Variants in ASTN2 observed in about 807,000 individuals in gnomAD.
ASTN2 encodes astrotactin-2.
In ASTN2, 54 loss-of-function variants were observed where a neutral mutation model predicts 139.8. The observed-to-expected ratio is 0.39, with a 90% confidence interval of 0.31 to 0.48. The LOEUF (loss-of-function observed/expected upper bound fraction) is 0.48. Among genes scored for constraint, ASTN2 ranks in the 20% least tolerant of loss-of-function variants. ASTN2 has a pLI of 0.95. For synonymous variants in ASTN2, 756 were observed against 719.5 expected (o/e 1.05, Z -0.81); for missense variants, 1,565 against 1,725.1 (o/e 0.91, Z 1.64).
At chr9:116,611,479 G>C (rs1033429045) in intron 19 of ASTN2, 1 of 151,888 alleles carries the variant, frequency 6.6e-6, no homozygotes, top group Non-Finnish European at 1.5e-5. Context: ...TTGATTCTTT[G>C]AAAATACAAA....
intron 16 of ASTN2, among the ~76,000 whole-genome samples, chr9:116,684,291 A>T (rs73530861): frequency 0.04 from 6,057 of 152,298 alleles, 396 homozygotes; most frequent in African/African-American, 0.14. Flanking sequence ...GTATAGTAAG[A>T]CTAAAGTACA....
chr9:116,500,308 A>G (rs1007941187), intron 19 of ASTN2, among the ~76,000 whole-genome samples: 7 of 152,216 alleles, frequency 4.6e-5, no homozygotes, highest in African/African-American at 1.7e-4. Flanking sequence ...GGCACAGCAC[A>G]ATGGAAGTGA....
At chr9:116,697,574 C>A in intron 16 of ASTN2, 1 of 821,924 alleles carries the variant, frequency 1.2e-6, no homozygotes, top group Non-Finnish European at 1.9e-6. Flanking sequence ...GACTGAATGA[C>A]TGGTCATAGC....
intron 10 of ASTN2, among the ~76,000 whole-genome samples, chr9:116,864,929 T>C (rs988716582): frequency 1.3e-5 from 2 of 152,142 alleles, no homozygotes; most frequent in African/African-American, 4.8e-5. Context: ...TCTAATTAGA[T>C]ACTCCTCTGA....
At chr9:116,899,153 T>C (rs1178974994) in intron 10 of ASTN2, among the ~76,000 whole-genome samples, 2 of 152,178 alleles carry the variant, frequency 1.3e-5, no homozygotes, top group Admixed American at 1.3e-4. Flanking sequence ...TTTACCTGGC[T>C]TTGTGGGTAT....
chr9:116,519,999 T>C (rs1203378798), intron 19 of ASTN2, among the ~76,000 whole-genome samples: 1 of 151,924 alleles, frequency 6.6e-6, no homozygotes, highest in Non-Finnish European at 1.5e-5. Context: ...AGCAGTGAGA[T>C]TGAAATAATA....
chr9:117,222,790 G>A (rs1359188525), intron 2 of ASTN2, among the ~76,000 whole-genome samples: 1 of 151,902 alleles, frequency 6.6e-6, no homozygotes, highest in Non-Finnish European at 1.5e-5. Context: ...CTCACTTAAG[G>A]ATCTTCAGCA....
At chr9:117,241,812 T>TCCCCA (rs1833215678) in intron 2 of ASTN2, among the ~76,000 whole-genome samples, 1 of 151,858 alleles carries the variant, frequency 6.6e-6, no homozygotes, top group African/African-American at 2.4e-5. Context: ...TAGGGAGTGG[T>TCCCCA]AGGGACTGTG....
At chr9:117,227,979 G>A (rs1197096540) in intron 2 of ASTN2, among the ~76,000 whole-genome samples, 1 of 152,228 alleles carries the variant, frequency 6.6e-6, no homozygotes, top group South Asian at 2.1e-4. Context: ...TAGTGAAAGA[G>A]GGTGTCAATA....
chr9:117,379,631 A>G (rs1830214155), intron 1 of ASTN2, among the ~76,000 whole-genome samples: 1 of 152,236 alleles, frequency 6.6e-6, no homozygotes, highest in Non-Finnish European at 1.5e-5. Context: ...CTTGTGAGCC[A>G]TGGCAGGGTG....
chr9:117,088,800 A>C (rs944985), intron 5 of ASTN2, among the ~76,000 whole-genome samples: 21,856 of 152,188 alleles, frequency 0.14, 1,637 homozygotes, highest in Middle Eastern at 0.19. Context: ...GCAGATGAGA[A>C]AAGCGAGGTC....
At chr9:116,957,013 A>G (rs753371684) in intron 10 of ASTN2, among the ~76,000 whole-genome samples, 1 of 152,022 alleles carries the variant, frequency 6.6e-6, no homozygotes, top group African/African-American at 2.4e-5. Flanking sequence ...ACAAGGATGT[A>G]CTGATTCAAT....
At position 117,186,534 on chromosome 9, in the gene ASTN2, G is replaced by A. The variant is rs60756668; in HGVS notation, c.1015+27824C>T. 5.3e-3 allele frequency among the ~76,000 whole-genome samples: 809 copies of A among 151,928 alleles called. 5 individuals are homozygous for A. Among genetic ancestry groups the A allele is most frequent in the African/African-American group, 0.019 (769 of 41,452 alleles). On this transcript the variant is annotated intron_variant, in intron 3 of 22. Coordinates refer to ENST00000313400, the MANE Select transcript of ASTN2 (RefSeq NM_001365068.1). ...TGCACTCCAGCCTGGGCAACAGAGC[G>A]AGACTCTGTCTCAAAAAAATAAATA...
chr9:116,551,001 G>A (rs567491775), intron 19 of ASTN2: 1 of 152,408 alleles, frequency 6.6e-6, no homozygotes, highest in Non-Finnish European at 1.5e-5. Flanking sequence ...CCAGGATGTG[G>A]AGCCAGGAGA....
At chr9:117,117,366 G>C (rs1829421806) in intron 4 of ASTN2, among the ~76,000 whole-genome samples, 1 of 93,580 alleles carries the variant, frequency 1.1e-5, no homozygotes, top group Non-Finnish European at 2.3e-5. Flanking sequence ...AAGCAAAGTG[G>C]AGAAAAAAAA....
intron 1 of ASTN2, among the ~76,000 whole-genome samples, chr9:117,339,241 A>G (rs1432212448): frequency 6.6e-6 from 1 of 152,180 alleles, no homozygotes; most frequent in Non-Finnish European, 1.5e-5. Context: ...TCCAGGTTAC[A>G]CAACTATCAA....
At chr9:117,275,107 C>T (rs1301378857) in intron 2 of ASTN2, among the ~76,000 whole-genome samples, 2 of 152,152 alleles carry the variant, frequency 1.3e-5, no homozygotes, top group African/African-American at 2.4e-5. Flanking sequence ...GACTGCCTTT[C>T]CTCTATTCTC....
At chr9:117,399,051 T>A (rs1246958975) in intron 1 of ASTN2, among the ~76,000 whole-genome samples, 2 of 152,194 alleles carry the variant, frequency 1.3e-5, no homozygotes, top group African/African-American at 4.8e-5. Context: ...CCCAAAGTGC[T>A]GGGATTACAG....
intron 19 of ASTN2, among the ~76,000 whole-genome samples, chr9:116,529,840 T>A (rs1354282036): frequency 6.6e-6 from 1 of 152,016 alleles, no homozygotes; most frequent in African/African-American, 2.4e-5. Flanking sequence ...TCCACCATGT[T>A]TGTAAGTTTC....
Sources: allele counts gnomAD v4.1 joint callset (sites outside exome capture counted in the v4.1 genomes callset), GRCh38; gene constraint gnomAD v4.1.1; transcripts MANE v1.5; gene names NCBI Gene and HGNC (gene_info 2026-07-23, HGNC 2026-07-21).